The following PCDHGA3 variants were observed in gnomAD, a reference collection of about 807,000 sequenced individuals.
PCDHGA3 encodes the protein protocadherin gamma-A3.
PCDHGA3 carries 40 observed loss-of-function variants against 58.5 expected under a neutral mutation model. The observed-to-expected ratio is 0.68, with a 90% CI of 0.53 to 0.89. PCDHGA3 has a LOEUF of 0.89. Ranked by LOEUF, PCDHGA3 falls within the 40% of genes least tolerant of loss-of-function variation. PCDHGA3 has a pLI of 0.00. For synonymous variants in PCDHGA3, 530 were observed against 525.7 expected (o/e 1.01, Z -0.11); for missense variants, 1,223 against 1,195.9 (o/e 1.02, Z -0.33).
intron 1 of PCDHGA3, chr5:141,355,570 A>G: frequency 6.2e-7 from 1 of 1,614,018 alleles, no homozygotes; most frequent in Non-Finnish European, 8.5e-7. Context: ...GGTGGAAATA[A>G]TCGATGTTAA....
At chr5:141,394,703 A>C (rs138625114) in intron 1 of PCDHGA3, 42,437 of 1,613,130 alleles carry the variant, frequency 0.026, 739 homozygotes, top group East Asian at 0.04. Flanking sequence ...GCACGGCGCG[A>C]GCCCTGCTGG....
intron 1 of PCDHGA3, chr5:141,412,461 A>G (rs184499850): frequency 3.4e-4 from 52 of 152,338 alleles, no homozygotes; most frequent in African/African-American, 1.2e-3. Flanking sequence ...ACTATTCTAG[A>G]AGAGTACTTT....
intron 1 of PCDHGA3, chr5:141,362,286 C>T: frequency 6.2e-7 from 1 of 1,614,082 alleles, no homozygotes; most frequent in Non-Finnish European, 8.5e-7. Flanking sequence ...GCCTGCGACT[C>T]TCTTCCAGGT....
At chr5:141,404,072 C>T (rs779657331) in intron 1 of PCDHGA3, 1 of 1,613,626 alleles carries the variant, frequency 6.2e-7, no homozygotes, top group Non-Finnish European at 8.5e-7. Flanking sequence ...TGCTCATGAC[C>T]GAGACTCCGG....
At chr5:141,418,348 T>C in intron 1 of PCDHGA3, 4 of 1,613,982 alleles carry the variant, frequency 2.5e-6, no homozygotes, top group Non-Finnish European at 3.4e-6. Context: ...CTGATATTAG[T>C]ATGAATTCGC....
intron 2 of PCDHGA3, among the ~76,000 whole-genome samples, chr5:141,498,789 C>T (rs1302940884): frequency 6.6e-6 from 1 of 151,980 alleles, no homozygotes; most frequent in Non-Finnish European, 1.5e-5. Context: ...AAATATTAGC[C>T]AGGTGTGGTG....
rs1201654822 is a variant in PCDHGA3, at chr5:141,476,876, C to T, written c.2425-17931C>T. ...CCAGTCCTTGTACCGGGCGCGCGTC[C>T]TGGAGGATGCACCCTCCGGCACGCG... On this transcript the variant is annotated intron_variant, in intron 1 of 3. Transcript: ENST00000253812. The surrounding 1 kb of genome is among the most constrained non-coding windows in gnomAD (Gnocchi z 7.6). 6.2e-7 allele frequency: 1 copy of T among 1,613,876 alleles called. No homozygotes were observed. The highest frequency in any genetic ancestry group is 1.7e-5 in the Admixed American group (1 of 60,018).
chr5:141,399,043 G>T lies in PCDHGA3; in HGVS notation c.2424+52586G>T, dbSNP rs545668357. The T allele has an allele frequency of 3.0e-5, 48 of 1,613,890 alleles. No homozygotes were observed. The South Asian group carries it at 4.9e-4, about 17-fold the overall frequency. ...TACCACTCAAAAGAAACTGGATTTTGAAGAGACCAAGGAATATTCAATGGT... is the reference window on the plus strand; with the variant it reads ...TACCACTCAAAAGAAACTGGATTTTTAAGAGACCAAGGAATATTCAATGGT... On this transcript the variant is annotated intron_variant, in intron 1 of 3. Transcript: ENST00000253812.
intron 1 of PCDHGA3, among the ~76,000 whole-genome samples, chr5:141,406,837 CA>C (rs1174898109): frequency 6.6e-6 from 1 of 152,170 alleles, no homozygotes; most frequent in Non-Finnish European, 1.5e-5. Flanking sequence ...ACTTGCATAT[CA>C]GATATAATTT....
At chr5:141,385,603 T>G (rs968822799) in intron 1 of PCDHGA3, 19 of 1,190,040 alleles carry the variant, frequency 1.6e-5, no homozygotes, top group Non-Finnish European at 2.0e-5. Flanking sequence ...CTTTCTTAAC[T>G]CATATATTTT....
intron 1 of PCDHGA3, chr5:141,377,922 C>A (rs1453139299): frequency 6.6e-6 from 1 of 152,166 alleles, no homozygotes; most frequent in East Asian, 1.9e-4. Context: ...TAAAAATCCA[C>A]CTGTAACTGC....
At chr5:141,492,859 C>G (rs966216924) in intron 1 of PCDHGA3, among the ~76,000 whole-genome samples, 1 of 152,232 alleles carries the variant, frequency 6.6e-6, no homozygotes, top group Non-Finnish European at 1.5e-5. Context: ...CTCGAGCGCC[C>G]TGGCTCTCAA....
chr5:141,399,300 C>T (rs985419238), intron 1 of PCDHGA3: 3 of 1,613,792 alleles, frequency 1.9e-6, no homozygotes, highest in Non-Finnish European at 2.5e-6. Flanking sequence ...TTAAGATTAT[C>T]TCTTCATCCA....
At chr5:141,400,747 G>GCTT (rs1302066014) in intron 1 of PCDHGA3, 9 of 602,662 alleles carry the variant, frequency 1.5e-5, no homozygotes, top group Admixed American at 6.5e-5. Context: ...TTTGCTCTTA[G>GCTT]CTTCCTCTCT....
At chr5:141,419,424 A>G (rs1197238939) in intron 1 of PCDHGA3, 1 of 1,613,230 alleles carries the variant, frequency 6.2e-7, no homozygotes, top group Admixed American at 1.7e-5. Flanking sequence ...GCCTTCGACC[A>G]CGAGCAGCTG....
chr5:141,387,207 T>A (rs986621045), intron 1 of PCDHGA3, among the ~76,000 whole-genome samples: 1 of 152,136 alleles, frequency 6.6e-6, no homozygotes, highest in Non-Finnish European at 1.5e-5. Flanking sequence ...TTACTGATAC[T>A]CTCCGGAAAA....
chr5:141,364,599 T>G, intron 1 of PCDHGA3: 1 of 1,614,178 alleles, frequency 6.2e-7, no homozygotes, highest in Non-Finnish European at 8.5e-7. Context: ...GCGGGCAGGA[T>G]AGACCGGGAG....
At position 141,489,358 on chromosome 5, in the gene PCDHGA3, G is replaced by A; in HGVS notation, c.2425-5449G>A. On this transcript the variant is annotated intron_variant, in intron 1 of 3. Transcript: ENST00000253812. This position sits in a 1 kb window ranked among gnomAD's most constrained non-coding sequence, Gnocchi z 4.5. ...TCGTTACTCAGTGGTGGAGGAGTCT[G>A]AGCCGGGGACGCTGGTGGGGAATGT... 1 of 1,613,144 alleles carries A rather than the reference G, an allele frequency of 6.2e-7. No individual in the cohort carries two copies. The highest frequency in any genetic ancestry group is 8.5e-7 in the Non-Finnish European group (1 of 1,179,278).
In PCDHGA3 at chr5:141,490,639, C is replaced by T. The variant is rs1345892739; in HGVS notation, c.2425-4168C>T. 25 of 1,614,200 alleles carry T rather than the reference C, an allele frequency of 1.5e-5. No homozygotes were observed. Among genetic ancestry groups the T allele is most frequent in the East Asian group, 2.2e-5 (1 of 44,878 alleles). ...TTACACTGCTTACATCCTAGAAAAC[C>T]GGCCTCCGGGCTCCCTTCTTTGCAC... On this transcript the variant is annotated intron_variant, in intron 1 of 3. Transcript: ENST00000253812. This position sits in a 1 kb window ranked among gnomAD's most constrained non-coding sequence, Gnocchi z 5.4.
Sources: gnomAD v4.1 joint callset for allele counts (sites outside exome capture counted in the v4.1 genomes callset) on GRCh38, gnomAD v4.1.1 for gene constraint, Gnocchi (gnomAD v3.1) non-coding constraint, MANE v1.5 for transcripts, NCBI Gene and HGNC (gene_info 2026-07-23, HGNC 2026-07-21) for gene names.